Variants in TXK observed in about 807,000 individuals in gnomAD.
The protein encoded by TXK is TXK tyrosine kinase, also known as tyrosine-protein kinase TXK.
A neutral mutation model predicts 81.0 loss-of-function variants in TXK; 60 were observed. That is an observed-to-expected ratio of 0.74 (90% CI 0.60 to 0.92). The LOEUF is 0.92. Ranked by LOEUF, TXK falls within the 40% of genes least tolerant of loss-of-function variation. TXK has a pLI of 0.00. For missense variants in TXK, 581 were observed against 638.3 expected (o/e 0.91, Z 0.97); for synonymous variants, 203 against 210.7 (o/e 0.96, Z 0.32).
At chr4:48,109,522 A>G in intron 5 of TXK, 1 of 152,370 alleles carries the variant, frequency 6.6e-6, no homozygotes, top group Non-Finnish European at 1.5e-5. Flanking sequence ...CAGGAGGCCA[A>G]GTGAAGGTGG....
intron 6 of TXK, among the ~76,000 whole-genome samples, chr4:48,097,422 CTT>C (rs4031383): frequency 3.5e-5 from 5 of 141,848 alleles, no homozygotes; most frequent in Admixed American, 7.1e-5. Flanking sequence ...AAAGCTACCA[CTT>C]TTTTTTTTTT....
chr4:48,110,484 C>G, intron 5 of TXK, 54 bp downstream of exon 5: 1 of 1,365,300 alleles, frequency 7.3e-7, no homozygotes, highest in Non-Finnish European at 1.0e-6. Flanking sequence ...TCTATACTTA[C>G]AAGCTGCCAA....
intron 5 of TXK, among the ~76,000 whole-genome samples, chr4:48,105,588 A>G (rs2135957): frequency 0.045 from 6,906 of 152,178 alleles, 517 homozygotes; most frequent in African/African-American, 0.15. Flanking sequence ...AATGTTCACT[A>G]TTTGGGTGAT....
At chr4:48,074,387 T>C (rs1716982934) in intron 12 of TXK, among the ~76,000 whole-genome samples, 2 of 152,160 alleles carry the variant, frequency 1.3e-5, no homozygotes, top group Middle Eastern at 3.4e-3. Flanking sequence ...AAAAAGGAAA[T>C]AAAAGACCAC....
intron 6 of TXK, among the ~76,000 whole-genome samples, chr4:48,098,971 A>G (rs56285596): frequency 0.039 from 5,912 of 152,224 alleles, 375 homozygotes; most frequent in African/African-American, 0.13. Context: ...GAAAAAAGAA[A>G]TAATGCCCAC....
At chr4:48,114,531 G>A in intron 1 of TXK, 129 bp from the exon 2 acceptor site, 2 of 922,850 alleles carry the variant, frequency 2.2e-6, no homozygotes, top group Non-Finnish European at 3.4e-6. Flanking sequence ...TCCTTCACTA[G>A]TGGAAGACAA....
chr4:48,102,537 A>G (rs542456621), intron 6 of TXK, among the ~76,000 whole-genome samples: 300 of 152,362 alleles, frequency 2.0e-3, no homozygotes, highest in Non-Finnish European at 3.4e-3. Flanking sequence ...ATTCACCACA[A>G]GAGCGTAAAT....
chr4:48,122,836 C>T (rs1384992569), intron 1 of TXK, among the ~76,000 whole-genome samples: 2 of 152,140 alleles, frequency 1.3e-5, no homozygotes, highest in Non-Finnish European at 2.9e-5. Context: ...AGGTTCAATC[C>T]GAAGTGGTGA....
At chr4:48,123,824 T>A (rs1719017789) in intron 1 of TXK, among the ~76,000 whole-genome samples, 2 of 152,132 alleles carry the variant, frequency 1.3e-5, no homozygotes, top group Admixed American at 1.3e-4. Context: ...CAGCATTATA[T>A]CTTCCCCCAC....
chr4:48,101,151 T>C (rs1718177559), intron 6 of TXK, among the ~76,000 whole-genome samples: 1 of 152,012 alleles, frequency 6.6e-6, no homozygotes, highest in Non-Finnish European at 1.5e-5. Context: ...TATTGAAATA[T>C]GAAATAAATA....
intron 11 of TXK, 129 bp from the exon 12 acceptor site, chr4:48,076,595 G>T: frequency 1.4e-6 from 1 of 689,688 alleles, no homozygotes; most frequent in Non-Finnish European, 2.5e-6. Flanking sequence ...CATTTTTATG[G>T]TGATATCCAT....
At chr4:48,082,636 A>AGT (rs1369499852) in intron 10 of TXK, among the ~76,000 whole-genome samples, 1 of 152,188 alleles carries the variant, frequency 6.6e-6, no homozygotes, top group Non-Finnish European at 1.5e-5. Flanking sequence ...CCTCAAGCCT[A>AGT]GATACCTATG....
intron 1 of TXK, among the ~76,000 whole-genome samples, chr4:48,121,741 A>G (rs1305815957): frequency 6.6e-6 from 1 of 151,926 alleles, no homozygotes; most frequent in Non-Finnish European, 1.5e-5. Flanking sequence ...TTTTTTTTCA[A>G]ATATTTTTGT....
intron 8 of TXK, among the ~76,000 whole-genome samples, chr4:48,092,024 G>A (rs573634123): frequency 6.6e-5 from 10 of 152,324 alleles, no homozygotes; most frequent in Admixed American, 6.5e-4. Flanking sequence ...GAGCTATTAA[G>A]AAGCATCTAT....
At chr4:48,129,457 CAATTT>C (rs1446845680) in intron 1 of TXK, among the ~76,000 whole-genome samples, 8 of 152,186 alleles carry the variant, frequency 5.3e-5, no homozygotes, top group African/African-American at 1.4e-4. Flanking sequence ...CCAAACTGAT[CAATTT>C]GAGTGGAAGA....
rs776704605 is a variant in TXK at position 48,089,741 on chromosome 4, A to T, written c.784+9T>A. The T allele has an allele frequency of 1.9e-6, 3 of 1,611,442 alleles. No individual in the cohort carries two copies. In the South Asian group the frequency reaches 3.3e-5, roughly 18 times the overall value. ...TGCTATTTTACTTCAGCATGTGTGC[A>T]CACTTTACCGTAGCTAAACCCAGCT... On this transcript the variant is annotated intron_variant, in intron 9 of 14. Transcript: ENST00000264316.
In TXK at chr4:48,073,763, T is replaced by G. The variant is rs1043282463; in HGVS notation, c.1357+172A>C. Among the ~76,000 whole-genome samples, 6 of 152,320 alleles carry G rather than the reference T, an allele frequency of 3.9e-5. No homozygotes were observed. The East Asian group carries it at 1.2e-3, about 29-fold the overall frequency. On this transcript the variant is annotated intron_variant, in intron 13 of 14. Coordinates refer to ENST00000264316, the MANE Select transcript of TXK (RefSeq NM_003328.3). Reference sequence around the variant, plus strand: ...AGGCAGACTTATGTAAGAAGGTATGTGACACCAGTTGCCAAAGACAGTCGG... The same window carrying G: ...AGGCAGACTTATGTAAGAAGGTATGGGACACCAGTTGCCAAAGACAGTCGG...
At chr4:48,086,680 T>C in intron 9 of TXK, 43 bp from the exon 10 acceptor site, 1 of 1,562,310 alleles carries the variant, frequency 6.4e-7, no homozygotes, top group Non-Finnish European at 8.8e-7. Flanking sequence ...AAAGAAAGAC[T>C]GTTAAAATAT....
At chr4:48,120,786 G>A (rs570548521) in intron 1 of TXK, among the ~76,000 whole-genome samples, 8 of 151,970 alleles carry the variant, frequency 5.3e-5, no homozygotes, top group South Asian at 2.1e-4. Flanking sequence ...CCAGTCCTCC[G>A]GCCCTAGAAA....
Sources: gnomAD v4.1 joint callset for allele counts (sites outside exome capture counted in the v4.1 genomes callset) on GRCh38, gnomAD v4.1.1 for gene constraint, MANE v1.5 for transcripts, NCBI Gene and HGNC (gene_info 2026-07-23, HGNC 2026-07-21) for gene names.